SPIRE1: variants seen among roughly 807,000 people sequenced by gnomAD.
The protein encoded by SPIRE1 is spire type actin nucleation factor 1.
A neutral mutation model predicts 94.1 loss-of-function variants in SPIRE1; 40 were observed. The observed-to-expected ratio is 0.43, with a 90% CI of 0.33 to 0.55. The LOEUF is 0.55. Ranked by LOEUF, SPIRE1 falls within the 20% of genes least tolerant of loss-of-function variation. The probability of loss-of-function intolerance (pLI) is 0.06; values close to 1 mark genes in which losing one functional copy is unlikely to be tolerated. For missense variants in SPIRE1, 838 were observed against 975.2 expected, an observed-to-expected ratio of 0.86 and a Z score of 1.87; for synonymous variants, 376 against 371.7, an observed-to-expected ratio of 1.01 and a Z score of -0.13.
chr18:12,627,518 A>G (rs1249098880), intron 2 of SPIRE1, among the ~76,000 whole-genome samples: 3 of 152,340 alleles, frequency 2.0e-5, no homozygotes, highest in Admixed American at 1.3e-4. Flanking sequence ...CACAGTAAAC[A>G]TATGTGTGCA....
intron 2 of SPIRE1, among the ~76,000 whole-genome samples, chr18:12,618,189 C>T (rs866192873): frequency 6.6e-5 from 10 of 152,066 alleles, no homozygotes; most frequent in Middle Eastern, 3.2e-3. Flanking sequence ...GCAAGCTCCA[C>T]CTCCCAGGTT....
In SPIRE1 at chr18:12,635,039, A is replaced by C. The variant is rs150177672; in HGVS notation, c.372+23T>G. On this transcript the variant is annotated intron_variant, in intron 2 of 16. Transcript: ENST00000409402. ...AGGACTGCAAAGCTGCTTTACTAAG[A>C]AATATTTGAGTATTTCACTTACCTC... 2.8e-3 allele frequency: 3,913 copies of C among 1,398,194 alleles called. 41 individuals carry two copies. Among genetic ancestry groups the C allele is most frequent in the Middle Eastern group, 0.017 (97 of 5,652 alleles). 86.6% of individuals were successfully genotyped at this position (1,398,194 alleles called of 1,614,324 possible). A position where few individuals can be genotyped will look rare whatever the true frequency, so the allele number is the denominator to read the frequency against.
intron 2 of SPIRE1, among the ~76,000 whole-genome samples, chr18:12,579,753 A>T (rs997254444): frequency 5.3e-5 from 8 of 152,188 alleles, no homozygotes; most frequent in African/African-American, 1.7e-4. Context: ...TCCAAAACAA[A>T]ATAAAGGTCC....
intron 2 of SPIRE1, among the ~76,000 whole-genome samples, chr18:12,572,583 AG>A (rs773245769): frequency 6.6e-6 from 1 of 152,220 alleles, no homozygotes; most frequent in Non-Finnish European, 1.5e-5. Context: ...CACTCCAGCC[AG>A]GGTAACAGAA....
intron 2 of SPIRE1, among the ~76,000 whole-genome samples, chr18:12,617,657 A>G (rs1283916770): frequency 6.6e-5 from 10 of 151,600 alleles, no homozygotes; most frequent in African/African-American, 9.7e-5. Flanking sequence ...GTGATCCACC[A>G]CCTCGGCCTC....
chr18:12,633,787 A>G (rs2037844449), intron 2 of SPIRE1, among the ~76,000 whole-genome samples: 1 of 152,174 alleles, frequency 6.6e-6, no homozygotes, highest in African/African-American at 2.4e-5. Context: ...ATTGCCACTA[A>G]CAAAACACCC....
rs2030991271 is a variant in SPIRE1 at position 12,447,433 on chromosome 18, T to A, written c.*2205A>T. 1 of 143,020 alleles carries A rather than the reference T, an allele frequency of 7.0e-6. No individual in the cohort carries two copies. The highest frequency in any genetic ancestry group is 2.5e-5 in the African/African-American group (1 of 39,886). The allele number at this position is 143,020 out of a possible 1,614,324, so 8.9% of individuals were successfully genotyped here. A position where few individuals can be genotyped will look rare whatever the true frequency, so the allele number is the denominator to read the frequency against. ...TGACGTGAAGTGTGGAGGGGGGTGG[T>A]AGAAAGGGGGGTTAAATGTAAGACT... On this transcript the variant is annotated 3_prime_UTR_variant, in exon 17 of 17. Coordinates refer to ENST00000409402, the MANE Select transcript of SPIRE1 (RefSeq NM_001128626.2).
intron 4 of SPIRE1, among the ~76,000 whole-genome samples, chr18:12,524,546 G>A (rs2034447376): frequency 6.6e-6 from 1 of 152,216 alleles, no homozygotes; most frequent in Admixed American, 6.5e-5. Flanking sequence ...GATCAAAGAA[G>A]TCAATTTACT....
At chr18:12,492,008 C>A (rs1039959702) in intron 8 of SPIRE1, among the ~76,000 whole-genome samples, 6 of 152,156 alleles carry the variant, frequency 3.9e-5, no homozygotes, top group African/African-American at 1.4e-4. Context: ...AGGATGAGTT[C>A]ACTTGTGGAA....
chr18:12,618,165 G>A (rs935856390), intron 2 of SPIRE1, among the ~76,000 whole-genome samples: 14 of 151,866 alleles, frequency 9.2e-5, no homozygotes, highest in African/African-American at 2.7e-4. Context: ...GCAGTGGTGC[G>A]ATCTCGGCTC....
chr18:12,633,580 G>A (rs202228672), intron 2 of SPIRE1, among the ~76,000 whole-genome samples: 223 of 138,204 alleles, frequency 1.6e-3, no homozygotes, highest in Non-Finnish European at 1.9e-3. Flanking sequence ...TGTCTCAAAA[G>A]AAAAAAAAAA....
At chr18:12,484,592 A>T (rs1377274054) in intron 9 of SPIRE1, among the ~76,000 whole-genome samples, 2 of 152,240 alleles carry the variant, frequency 1.3e-5, no homozygotes, top group Non-Finnish European at 2.9e-5. Context: ...TTTGTACGTA[A>T]GGTATGCCAA....
chr18:12,452,614 T>C, intron 14 of SPIRE1, 102 bp from the exon 15 acceptor site: 1 of 1,118,646 alleles, frequency 8.9e-7, no homozygotes, highest in Non-Finnish European at 1.4e-6. Context: ...CACAATAAAC[T>C]GCATAACTCT....
chr18:12,633,404 C>T (rs2037834615), intron 2 of SPIRE1, among the ~76,000 whole-genome samples: 1 of 151,974 alleles, frequency 6.6e-6, no homozygotes, highest in South Asian at 2.1e-4. Context: ...TGGTAAAACC[C>T]CGTCTTCACT....
chr18:12,624,831 CAA>C (rs71371282), intron 2 of SPIRE1, among the ~76,000 whole-genome samples: 6 of 132,894 alleles, frequency 4.5e-5, no homozygotes, highest in Non-Finnish European at 3.2e-5. Context: ...GACTCCATCT[CAA>C]AAAAAAAAAA....
chr18:12,525,296 A>AAATAAT (rs1217410668), intron 4 of SPIRE1, among the ~76,000 whole-genome samples: 71 of 120,158 alleles, frequency 5.9e-4, no homozygotes, highest in South Asian at 4.1e-3. Context: ...AAAAAAAAAA[A>AAATAAT]AATAATAATA....
At chr18:12,636,518 A>G (rs529436388) in intron 1 of SPIRE1, among the ~76,000 whole-genome samples, 18 of 31,136 alleles carry the variant, frequency 5.8e-4, no homozygotes, top group Admixed American at 9.7e-4. Flanking sequence ...GAGTTGGTTG[A>G]AAAAAAAACA....
Position 12,449,779 on chromosome 18 carries a change from C to T in SPIRE1, c.2130G>A (p.Ser710=), listed in dbSNP as rs771441153. ...TGCGCCGGCTTGAACTGATGATTTC[C>T]GAAATGAACTTCTTGCAGTCCACAC... The part of the protein sequence containing the change: ...EVCVDCKKFI[S]EIISSSRRSL... Residue 710 remains serine (S), a synonymous_variant, in exon 17 of 17, where the codon TCG becomes TCA. Coordinates refer to ENST00000409402, the MANE Select transcript of SPIRE1 (RefSeq NM_001128626.2). The T allele has an allele frequency of 9.3e-6, 15 of 1,614,126 alleles. No homozygotes were observed. Among genetic ancestry groups the T allele is most frequent in the East Asian group, 4.5e-5 (2 of 44,868 alleles).
chr18:12,658,273 C>T (rs2038620913), upstream of SPIRE1: 1 of 455,788 alleles, frequency 2.2e-6, no homozygotes, highest in Non-Finnish European at 4.3e-6. Context: ...CCGCAGGGCT[C>T]TCAGAGTCGC....
Sources: gnomAD v4.1 joint callset for allele counts (sites outside exome capture counted in the v4.1 genomes callset) on GRCh38, gnomAD v4.1.1 for gene constraint, MANE v1.5 for transcripts, NCBI Gene and HGNC (gene_info 2026-07-23, HGNC 2026-07-21) for gene names.